Variants in IDO2 observed in about 807,000 individuals in gnomAD.
IDO2 encodes the protein indoleamine 2,3-dioxygenase 2.
Under a neutral mutation model 45.1 loss-of-function variants are expected in IDO2, and 46 were observed. That is an observed-to-expected ratio of 1.02 (90% confidence interval 0.80 to 1.30). IDO2 has a LOEUF of 1.30. Ranked by LOEUF, IDO2 falls within the 50% of genes most tolerant of loss-of-function variation. The probability of loss-of-function intolerance (pLI) is 0.00; values close to 1 mark genes in which losing one functional copy is unlikely to be tolerated. For synonymous variants in IDO2, 218 were observed against 184.9 expected (o/e 1.18, Z -1.45); for missense variants, 544 against 491.8 (o/e 1.11, Z -1.00).
rs141807568 is a variant in IDO2 at position 39,993,465 on chromosome 8, C to T, written c.667+3627C>T. The stretch of plus-strand genomic sequence containing the variant: ...AGGAGTCGAAGGGTTTCTTCCTAAC[C>T]ATTTAGTGTATGCATTTAAATCAGG... On this transcript the variant is annotated intron_variant, in intron 8 of 10. Coordinates refer to ENST00000502986, the Ensembl canonical transcript of IDO2. Among the ~76,000 whole-genome samples the T allele has an allele frequency of 9.6e-4, 146 of 152,190 alleles. 1 individual carries two copies. The highest frequency in any genetic ancestry group is 3.0e-3 in the African/African-American group (125 of 41,522).
At chr8:39,939,408 G>A (rs867602297) in intron 1 of IDO2, among the ~76,000 whole-genome samples, 10 of 151,152 alleles carry the variant, frequency 6.6e-5, no homozygotes, top group African/African-American at 2.2e-4. Context: ...TTAGCCAGGA[G>A]TATTGGCACA....
At chr8:39,987,774 C>T (rs555074063) in intron 6 of IDO2, 97 bp from the exon 7 acceptor site, 2 of 684,356 alleles carry the variant, frequency 2.9e-6, no homozygotes, top group South Asian at 1.8e-5. Context: ...GCAGTGATTC[C>T]ACCCTGCAGT....
At chr8:39,974,083 A>G (rs1187905586) in intron 3 of IDO2, among the ~76,000 whole-genome samples, 1 of 152,218 alleles carries the variant, frequency 6.6e-6, no homozygotes, top group Admixed American at 6.5e-5. Flanking sequence ...TTATAAAACA[A>G]ATGAACCAGA....
intron 3 of IDO2, among the ~76,000 whole-genome samples, chr8:39,966,082 G>A (rs1734023855): frequency 7.6e-6 from 1 of 131,814 alleles, no homozygotes; most frequent in Admixed American, 8.7e-5. Context: ...AGGCTGGAAT[G>A]CAGTGGTGCA....
At chr8:39,946,056 G>A (rs1439494537) in intron 1 of IDO2, among the ~76,000 whole-genome samples, 2 of 152,194 alleles carry the variant, frequency 1.3e-5, no homozygotes, top group Admixed American at 6.5e-5. Flanking sequence ...CTGTGGCTTA[G>A]GAGTCATACA....
intron 3 of IDO2, among the ~76,000 whole-genome samples, chr8:39,967,671 A>T (rs1808109516): frequency 6.6e-6 from 1 of 152,082 alleles, no homozygotes; most frequent in South Asian, 2.1e-4. Context: ...TATTTTTATT[A>T]GAGACGGGGT....
At chr8:39,993,141 C>T (rs897876002) in intron 8 of IDO2, among the ~76,000 whole-genome samples, 3 of 152,234 alleles carry the variant, frequency 2.0e-5, no homozygotes, top group Non-Finnish European at 2.9e-5. Flanking sequence ...TGCTTTCCAG[C>T]GACTCAGCCA....
intron 9 of IDO2, among the ~76,000 whole-genome samples, chr8:40,007,344 A>G (rs2909334): frequency 0.087 from 13,171 of 152,062 alleles, 663 homozygotes; most frequent in Middle Eastern, 0.15. Context: ...CGTGTGAAGC[A>G]CTTCAAACAG....
chr8:39,938,549 A>G (rs775507774), intron 1 of IDO2, among the ~76,000 whole-genome samples: 14 of 145,026 alleles, frequency 9.7e-5, no homozygotes, highest in Non-Finnish European at 1.7e-4. Context: ...TTTTATATAT[A>G]ACACCAAAGG....
chr8:39,937,744 C>G (rs1463891076), intron 1 of IDO2, among the ~76,000 whole-genome samples: 1 of 152,140 alleles, frequency 6.6e-6, no homozygotes, highest in African/African-American at 2.4e-5. Flanking sequence ...TGGTCCCAAA[C>G]TCCTGGCCTC....
At chr8:39,954,649 C>CTTTTTTTTTT (rs542016899) in intron 2 of IDO2, among the ~76,000 whole-genome samples, 2 of 84,730 alleles carry the variant, frequency 2.4e-5, no homozygotes, top group Non-Finnish European at 4.4e-5. Context: ...GTCTCTCTCT[C>CTTTTTTTTTT]TTTTTTTTTT....
chr8:39,972,552 G>A (rs1468709878), intron 3 of IDO2, among the ~76,000 whole-genome samples: 1 of 130,724 alleles, frequency 7.6e-6, no homozygotes, highest in Non-Finnish European at 1.6e-5. Context: ...AGAGGTTGCA[G>A]TGAGTCAAGA....
chr8:39,992,783 A>G (rs936503063), intron 8 of IDO2, among the ~76,000 whole-genome samples: 1 of 152,174 alleles, frequency 6.6e-6, no homozygotes, highest in Non-Finnish European at 1.5e-5. Context: ...GCCCAGCTTT[A>G]GCAAGAGTCA....
chr8:39,998,540 T>C (rs1802084786), intron 8 of IDO2: 1 of 152,000 alleles, frequency 6.6e-6, no homozygotes, highest in Non-Finnish European at 1.5e-5. Context: ...GCTGTTTGGT[T>C]GGACAGAAAA....
intron 3 of IDO2, among the ~76,000 whole-genome samples, chr8:39,964,481 AATCT>A (rs1808052808): frequency 6.6e-6 from 1 of 152,188 alleles, no homozygotes; most frequent in Admixed American, 6.5e-5. Context: ...CATCTGTCCT[AATCT>A]ATCAGTTTGG....
chr8:39,953,794 A>C (rs1807847520), intron 2 of IDO2, among the ~76,000 whole-genome samples: 1 of 152,132 alleles, frequency 6.6e-6, no homozygotes, highest in Non-Finnish European at 1.5e-5. Context: ...CGAACCCCTG[A>C]CCTCAAGTGA....
intron 3 of IDO2, among the ~76,000 whole-genome samples, chr8:39,978,380 C>T (rs2129594338): frequency 6.6e-6 from 1 of 152,296 alleles, no homozygotes; most frequent in African/African-American, 2.4e-5. Flanking sequence ...CGCCTGGTAG[C>T]CGAATTCAGA....
rs1332151984 is a variant in IDO2 at position 39,961,336 on chromosome 8, T to C, written c.100-2272T>C. 4.7e-5 allele frequency among the ~76,000 whole-genome samples: 7 copies of C among 149,054 alleles called. No individual in the cohort carries two copies. The Admixed American group carries it at 4.7e-4, about 10-fold the overall frequency. Reference sequence around the variant, plus strand: ...TGTATACTTCTTTTTTTTTTTTTTTTTTTGAAATGGAGTGTTACTCTGTTA... The same window carrying C: ...TGTATACTTCTTTTTTTTTTTTTTTCTTTGAAATGGAGTGTTACTCTGTTA... On this transcript the variant is annotated intron_variant, in intron 2 of 10. Coordinates refer to ENST00000502986, the Ensembl canonical transcript of IDO2.
At chr8:40,015,658 A>G in exon 11 of IDO2, 1 of 1,316,984 alleles carries the variant, frequency 7.6e-7, no homozygotes. Context: ...GTGGGCCTGG[A>G]GAATGAGGGT....
Sources: allele counts gnomAD v4.1 joint callset (sites outside exome capture counted in the v4.1 genomes callset), GRCh38; gene constraint gnomAD v4.1.1; transcripts MANE v1.5; gene names NCBI Gene and HGNC (gene_info 2026-07-23, HGNC 2026-07-21).